Variants in KIRREL1 observed in about 807,000 individuals in gnomAD.
The protein encoded by KIRREL1 is kirre like nephrin family adhesion molecule 1, also known as kin of IRRE-like protein 1.
In KIRREL1, 25 loss-of-function variants were observed where a neutral mutation model predicts 83.3. That is an observed-to-expected ratio of 0.30 (90% CI 0.22 to 0.42). KIRREL1 has a LOEUF of 0.42. KIRREL1 is among the 10% of genes least tolerant of loss of function. KIRREL1 has a pLI of 1.00. For synonymous variants in KIRREL1, 388 were observed against 410.4 expected, an observed-to-expected ratio of 0.95 and a Z score of 0.66; for missense variants, 812 against 1,032.3, an observed-to-expected ratio of 0.79 and a Z score of 2.92.
chr1:158,034,428 C>T (rs1374781044), intron 1 of KIRREL1, among the ~76,000 whole-genome samples: 1 of 152,096 alleles, frequency 6.6e-6, no homozygotes, highest in African/African-American at 2.4e-5. Flanking sequence ...GAAACCCAAG[C>T]TTCAATAGGA....
chr1:158,082,031 A>G (rs116743438), intron 3 of KIRREL1, among the ~76,000 whole-genome samples: 2,710 of 151,810 alleles, frequency 0.018, 81 homozygotes, highest in African/African-American at 0.062. Flanking sequence ...CTCTTTATTC[A>G]TTTCTCTCCA....
In KIRREL1 at chr1:158,100,033, G is replaced by A. The variant is rs1266832481; in HGVS notation, c.*4913G>A. 1 of 151,772 alleles carries A rather than the reference G, an allele frequency of 6.6e-6. No homozygotes were observed. 9.4% of individuals were successfully genotyped at this position (151,772 alleles called of 1,614,324 possible). On this transcript the variant is annotated 3_prime_UTR_variant, in exon 15 of 15. Coordinates refer to ENST00000359209, the MANE Select transcript of KIRREL1 (RefSeq NM_018240.7). The stretch of plus-strand genomic sequence containing the variant: ...CTCCACCCAGACCCCAAAAATAAAT[G>A]GATCCATGATGATAATTAAGAGAAG...
intron 1 of KIRREL1, among the ~76,000 whole-genome samples, chr1:158,060,637 A>G (rs1171657768): frequency 3.3e-5 from 5 of 151,942 alleles, no homozygotes; most frequent in African/African-American, 4.8e-5. Flanking sequence ...GGCTGGAGAA[A>G]TTTCTTTTCA....
At chr1:158,036,094 A>G (rs926697023) in intron 1 of KIRREL1, among the ~76,000 whole-genome samples, 2 of 152,186 alleles carry the variant, frequency 1.3e-5, no homozygotes, top group African/African-American at 4.8e-5. Flanking sequence ...GGGATTACTA[A>G]AAGTGTTGTA....
intron 1 of KIRREL1, among the ~76,000 whole-genome samples, chr1:158,071,960 C>T (rs1402225110): frequency 6.6e-6 from 1 of 152,192 alleles, no homozygotes; most frequent in Non-Finnish European, 1.5e-5. Flanking sequence ...TCTCCCCTTC[C>T]TGCTAACTGA....
chr1:158,089,917 C>T (rs1430239082), intron 10 of KIRREL1, 99 bp downstream of exon 10: 2 of 991,276 alleles, frequency 2.0e-6, no homozygotes, highest in Non-Finnish European at 3.1e-6. Flanking sequence ...TTCAACTTCC[C>T]TGTCCCGTTT....
rs116005799 is a variant in KIRREL1 at position 158,009,777 on chromosome 1, C to T, written c.52+16049C>T. 4.8e-3 allele frequency among the ~76,000 whole-genome samples: 735 copies of T among 152,306 alleles called. 5 individuals carry two copies. Among genetic ancestry groups the T allele is most frequent in the African/African-American group, 0.017 (692 of 41,554 alleles). On this transcript the variant is annotated intron_variant, in intron 1 of 14. Coordinates refer to ENST00000359209, the MANE Select transcript of KIRREL1 (RefSeq NM_018240.7). ...CAAGCAAGGCTGATCTTGCCTCTGC[C>T]GCCTGCCAGACCTCAGATTGCCCAC... is the stretch of plus-strand genomic sequence containing the variant.
intron 1 of KIRREL1, among the ~76,000 whole-genome samples, chr1:158,010,396 T>TGCATACAC (rs1659648146): frequency 2.2e-5 from 1 of 44,586 alleles, no homozygotes; most frequent in Non-Finnish European, 4.0e-5. Flanking sequence ...CACACATGCA[T>TGCATACAC]ACACACACAC....
intron 1 of KIRREL1, among the ~76,000 whole-genome samples, chr1:158,010,393 G>GCACA (rs1196299743): frequency 4.8e-4 from 6 of 12,562 alleles, no homozygotes; most frequent in Admixed American, 1.7e-3. Flanking sequence ...TCACACACAT[G>GCACA]CATACACACA....
At chr1:158,088,227 C>T (rs1662077185) in intron 7 of KIRREL1, 73 bp downstream of exon 7, 2 of 1,607,420 alleles carry the variant, frequency 1.2e-6, no homozygotes. Flanking sequence ...GAGTCGGGGA[C>T]TGCTCCATGA....
chr1:158,039,851 GTC>G (rs1169729404), intron 1 of KIRREL1, among the ~76,000 whole-genome samples: 1 of 152,238 alleles, frequency 6.6e-6, no homozygotes, highest in Admixed American at 6.5e-5. Context: ...GAGCTTGTCT[GTC>G]TTGTTCTTTA....
chr1:158,093,310 C>T (rs772944422), intron 11 of KIRREL1, 29 bp from the exon 12 acceptor site: 4 of 1,580,516 alleles, frequency 2.5e-6, no homozygotes, highest in African/African-American at 2.7e-5. Flanking sequence ...TCCAGCCTCA[C>T]CCCTCCACCT....
At chr1:158,035,703 C>T (rs1433920912) in intron 1 of KIRREL1, among the ~76,000 whole-genome samples, 1 of 152,038 alleles carries the variant, frequency 6.6e-6, no homozygotes, top group East Asian at 1.9e-4. Context: ...ATTTTTTTTA[C>T]CAGTCCATGA....
intron 1 of KIRREL1, among the ~76,000 whole-genome samples, chr1:158,000,428 C>T (rs1486423746): frequency 6.6e-6 from 1 of 152,224 alleles, no homozygotes; most frequent in African/African-American, 2.4e-5. Flanking sequence ...GATGCACAAA[C>T]TGTGAAGTTA....
At chr1:158,027,556 C>G (rs1209340983) in intron 1 of KIRREL1, among the ~76,000 whole-genome samples, 1 of 152,194 alleles carries the variant, frequency 6.6e-6, no homozygotes, top group Non-Finnish European at 1.5e-5. Context: ...CATACTGAAG[C>G]CACCAAGGGG....
chr1:158,011,247 C>T (rs1249847713), intron 1 of KIRREL1, among the ~76,000 whole-genome samples: 2 of 152,178 alleles, frequency 1.3e-5, no homozygotes, highest in African/African-American at 4.8e-5. Context: ...GTTTTCCAAC[C>T]GGATTGCAAG....
chr1:157,994,743 A>G (rs1393496888), intron 1 of KIRREL1, among the ~76,000 whole-genome samples: 3 of 152,068 alleles, frequency 2.0e-5, no homozygotes, highest in African/African-American at 7.3e-5. Flanking sequence ...AAACACCGTA[A>G]AACACTCACA....
At position 158,094,453 on chromosome 1, in the gene KIRREL1, G is replaced by A; in HGVS notation, c.1797+63G>A. Reference sequence around the variant, plus strand: ...TGGGCCAGTGGGTTTCTGAGGTCCTGTAGCGGGGAGGTGAGGTGAGGACAG... The same window carrying A: ...TGGGCCAGTGGGTTTCTGAGGTCCTATAGCGGGGAGGTGAGGTGAGGACAG... On this transcript the variant is annotated intron_variant, in intron 14 of 14. Coordinates refer to ENST00000359209, the MANE Select transcript of KIRREL1 (RefSeq NM_018240.7). The surrounding 1 kb of genome is among the most constrained non-coding windows in gnomAD (Gnocchi z 4.6). The A allele has an allele frequency of 1.3e-6, 2 of 1,519,904 alleles. No homozygotes were observed. Among genetic ancestry groups the A allele is most frequent in the South Asian group, 2.3e-5 (2 of 87,644 alleles). The allele number at this position is 1,519,904 out of a possible 1,614,324, so 94.2% of individuals were successfully genotyped here.
chr1:158,023,966 T>C (rs1455455221), intron 1 of KIRREL1, among the ~76,000 whole-genome samples: 1 of 152,100 alleles, frequency 6.6e-6, no homozygotes, highest in East Asian at 1.9e-4. Flanking sequence ...TTGTTTTCTT[T>C]TGACGAAGTC....
Sources: allele counts gnomAD v4.1 joint callset (sites outside exome capture counted in the v4.1 genomes callset), GRCh38; gene constraint gnomAD v4.1.1; non-coding constraint Gnocchi (gnomAD v3.1); transcripts MANE v1.5; gene names NCBI Gene and HGNC (gene_info 2026-07-23, HGNC 2026-07-21).